FGF13: variants seen among roughly 807,000 people sequenced by gnomAD.
FGF13 encodes fibroblast growth factor homologous factor 2.
Under a neutral mutation model 19.5 loss-of-function variants are expected in FGF13, and 2 were observed. The observed-to-expected ratio is 0.10, with a 90% CI of 0.04 to 0.32. FGF13 has a LOEUF of 0.32. Among genes scored for constraint, FGF13 ranks in the 10% least tolerant of loss-of-function variants. The pLI is 1.00. For missense variants in FGF13, 113 were observed against 192.7 expected (o/e 0.59, Z 2.45); for synonymous variants, 72 against 76.9 (o/e 0.94, Z 0.33).
At position 139,022,787 on chromosome X, in the gene FGF13, G is replaced by T. The variant is rs17001937; in HGVS notation, c.-112-158137C>A. ...TGTGGGTCAAACATATACAGTATGAGGTTCTCCAAAAGAAGCAAGCTCTGT... is the reference window on the plus strand; with the variant it reads ...TGTGGGTCAAACATATACAGTATGATGTTCTCCAAAAGAAGCAAGCTCTGT... On this transcript the variant is annotated intron_variant, in intron 1 of 2. Transcript: ENST00000421460. 7.7e-3 allele frequency among the ~76,000 whole-genome samples: 853 copies of T among 111,207 alleles called. 7 individuals carry two copies. The highest frequency in any genetic ancestry group is 0.026 in the African/African-American group (811 of 30,671).
intron 1 of FGF13, among the ~76,000 whole-genome samples, chrX:138,879,102 G>A (rs1602991314): frequency 9.1e-6 from 1 of 110,476 alleles, no homozygotes; most frequent in East Asian, 2.9e-4. Context: ...TTTTTTATTT[G>A]CTTTGCCCTA....
intron 1 of FGF13, among the ~76,000 whole-genome samples, chrX:139,021,013 G>A (rs1443989759): frequency 2.7e-5 from 3 of 111,198 alleles, no homozygotes; most frequent in Non-Finnish European, 5.7e-5. Flanking sequence ...ATGACCGGGT[G>A]ATGAAATATA....
chrX:138,771,748 A>G (rs1418243577), intron 3 of FGF13, among the ~76,000 whole-genome samples: 3 of 109,590 alleles, frequency 2.7e-5, no homozygotes, highest in Admixed American at 9.9e-5. Flanking sequence ...CTTCTTGCAG[A>G]AAAAAAAGGA....
chrX:138,645,462 C>T (rs779891422), intron 3 of FGF13, among the ~76,000 whole-genome samples: 3 of 111,840 alleles, frequency 2.7e-5, no homozygotes, highest in South Asian at 3.8e-4. Flanking sequence ...CTTCCACTTC[C>T]AAGTTTTCTG....
intron 1 of FGF13, among the ~76,000 whole-genome samples, chrX:139,020,283 A>G (rs1166395671): frequency 9.0e-6 from 1 of 111,481 alleles, no homozygotes; most frequent in Non-Finnish European, 1.9e-5. Flanking sequence ...TTGAGACTGC[A>G]TAACCCATGG....
chrX:138,951,761 C>T (rs1186494740), intron 1 of FGF13, among the ~76,000 whole-genome samples: 2 of 111,670 alleles, frequency 1.8e-5, no homozygotes, highest in African/African-American at 6.5e-5. Flanking sequence ...GTGGTGCATA[C>T]ACAACTCTCA....
At chrX:139,168,997 C>G (rs1360674288) in intron 1 of FGF13, among the ~76,000 whole-genome samples, 3 of 111,721 alleles carry the variant, frequency 2.7e-5, no homozygotes, top group African/African-American at 9.8e-5. Flanking sequence ...AGAATATTAA[C>G]AGCCAAAATT....
At chrX:139,004,792 T>C (rs1197625351) in intron 1 of FGF13, among the ~76,000 whole-genome samples, 5 of 112,260 alleles carry the variant, frequency 4.5e-5, no homozygotes, top group African/African-American at 1.3e-4. Flanking sequence ...GGCTACCCTC[T>C]GTGGGCCTGT....
At chrX:138,847,813 G>C in intron 3 of FGF13, among the ~76,000 whole-genome samples, 1 of 111,670 alleles carries the variant, frequency 9.0e-6, no homozygotes, top group Admixed American at 9.6e-5. Flanking sequence ...TGCAGTAGCC[G>C]ATTACATTTA....
intron 1 of FGF13, among the ~76,000 whole-genome samples, chrX:138,997,614 G>A (rs1258918850): frequency 2.7e-5 from 3 of 111,453 alleles, no homozygotes; most frequent in Admixed American, 1.9e-4. Flanking sequence ...GAAATAAAGC[G>A]AGAAGACAAG....
chrX:138,651,071 C>G (rs1432180841), intron 3 of FGF13, among the ~76,000 whole-genome samples: 1 of 111,876 alleles, frequency 8.9e-6, no homozygotes, highest in African/African-American at 3.2e-5. Flanking sequence ...AACAGGGGAA[C>G]CATAAGCCAA....
intron 1 of FGF13, among the ~76,000 whole-genome samples, chrX:138,722,857 C>G (rs1306804257): frequency 9.0e-6 from 1 of 111,270 alleles, no homozygotes; most frequent in Non-Finnish European, 1.9e-5. Flanking sequence ...GGCCAACTAA[C>G]AGGAATAATA....
chrX:138,832,813 T>C (rs143125826), intron 3 of FGF13, among the ~76,000 whole-genome samples: 122 of 112,484 alleles, frequency 1.1e-3, no homozygotes, highest in Non-Finnish European at 1.0e-3. Flanking sequence ...TTTAAGTCTT[T>C]AATCCTTCTT....
intron 1 of FGF13, among the ~76,000 whole-genome samples, chrX:139,122,123 T>C (rs947959645): frequency 4.5e-5 from 5 of 111,340 alleles, no homozygotes; most frequent in Non-Finnish European, 9.4e-5. Context: ...TCAAACTGAA[T>C]TGTTTTCCAT....
intron 1 of FGF13, among the ~76,000 whole-genome samples, chrX:139,194,276 C>T (rs1015301036): frequency 1.3e-4 from 15 of 112,000 alleles, no homozygotes; most frequent in African/African-American, 4.9e-4. Flanking sequence ...TTATAATATG[C>T]AGAGAAAAAG....
chrX:138,676,065 C>T (rs2089662822), intron 3 of FGF13, among the ~76,000 whole-genome samples: 2 of 111,669 alleles, frequency 1.8e-5, no homozygotes, highest in Non-Finnish European at 3.8e-5. Context: ...GCTAAAGCAT[C>T]ATTATTATTA....
rs776417217 is a variant in FGF13 at position 138,620,776 on chromosome X, G to A, written c.*12074C>T. On this transcript the variant is annotated 3_prime_UTR_variant, in exon 5 of 5. Transcript: ENST00000315930. ...CTGCAAGGACACGTATAAACTGAAA[G>A]TGAAGAGATTAAAAAGATATTGCAT... 2 of 111,659 alleles carry A rather than the reference G, an allele frequency of 1.8e-5. No homozygotes were observed. The highest frequency in any genetic ancestry group is 6.5e-5 in the African/African-American group (2 of 30,764). The allele number at this position is 111,659 out of a possible 1,213,427, so 9.2% of individuals were successfully genotyped here.
chrX:139,156,067 G>A (rs1242682746), intron 1 of FGF13, among the ~76,000 whole-genome samples: 1 of 111,762 alleles, frequency 8.9e-6, no homozygotes, highest in African/African-American at 3.3e-5. Flanking sequence ...GTTTGGTGAG[G>A]CTTCAAGTTT....
intron 1 of FGF13, among the ~76,000 whole-genome samples, chrX:138,942,890 C>T (rs531133798): frequency 3.6e-5 from 4 of 111,305 alleles, no homozygotes; most frequent in Admixed American, 2.9e-4. Context: ...TAACACATAA[C>T]TTCTCATCTT....
Sources: allele counts gnomAD v4.1 joint callset (sites outside exome capture counted in the v4.1 genomes callset), GRCh38; gene constraint gnomAD v4.1.1; transcripts MANE v1.5; gene names NCBI Gene and HGNC (gene_info 2026-07-23, HGNC 2026-07-21).